Variants in GLG1 observed in about 807,000 individuals in gnomAD.
The protein encoded by GLG1 is Golgi apparatus protein 1.
In GLG1, 38 loss-of-function variants were observed where a neutral mutation model predicts 160.5. That is an observed-to-expected ratio of 0.24 (90% confidence interval 0.18 to 0.31). The LOEUF is 0.31. GLG1 is among the 10% of genes least tolerant of loss of function. GLG1 has a pLI of 1.00. For missense variants in GLG1, 1,373 were observed against 1,505.2 expected (o/e 0.91, Z 1.45); for synonymous variants, 644 against 543.4 (o/e 1.19, Z -2.57).
intron 1 of GLG1, chr16:74,563,356 G>A (rs1316591938): frequency 6.6e-6 from 1 of 152,218 alleles, no homozygotes; most frequent in African/African-American, 2.4e-5. Flanking sequence ...GTGCTTGGAA[G>A]CCTTCATCAT....
At chr16:74,505,391 T>G (rs1031852157) in intron 3 of GLG1, among the ~76,000 whole-genome samples, 1 of 152,242 alleles carries the variant, frequency 6.6e-6, no homozygotes, top group South Asian at 2.1e-4. Context: ...TGAAATTCTT[T>G]CAGTTTAACC....
chr16:74,457,826 C>G (rs1379390968), intron 24 of GLG1, 48 bp downstream of exon 24: 1 of 1,579,828 alleles, frequency 6.3e-7, no homozygotes, highest in African/African-American at 1.3e-5. Flanking sequence ...AGTCTTTGCT[C>G]TTCCCAAGAG....
At position 74,451,943 on chromosome 16, in the gene GLG1, G is replaced by GA. The variant is rs951469251; in HGVS notation, c.*1223dup. 94 of 823,546 alleles carry GA rather than the reference G, an allele frequency of 1.1e-4. No homozygotes were observed. Among genetic ancestry groups the GA allele is most frequent in the Non-Finnish European group, 1.4e-4 (68 of 486,730 alleles). The allele number at this position is 823,546 out of a possible 1,614,324, so 51.0% of individuals were successfully genotyped here. A position where few individuals can be genotyped will look rare whatever the true frequency, so the allele number is the denominator to read the frequency against. ...GGTACACGCAGCAAATGGACAGAAA[G>GA]AAAAAAAACAGAGCAAATCCTCCAT... On this transcript the variant is annotated 3_prime_UTR_variant, in exon 26 of 26. Coordinates refer to ENST00000422840, the MANE Select transcript of GLG1 (RefSeq NM_001145667.2).
intron 1 of GLG1, among the ~76,000 whole-genome samples, chr16:74,576,897 C>G (rs927487228): frequency 2.6e-5 from 4 of 151,070 alleles, no homozygotes; most frequent in Non-Finnish European, 4.4e-5. Flanking sequence ...AACCATGTAC[C>G]CTGCATATAA....
chr16:74,462,997 G>A (rs1478915915), intron 20 of GLG1: 9 of 411,810 alleles, frequency 2.2e-5, no homozygotes, highest in Non-Finnish European at 3.5e-5. Context: ...TAACTTACGA[G>A]GTCTTCCAAC....
chr16:74,602,502 G>A (rs546375116), intron 1 of GLG1, among the ~76,000 whole-genome samples: 2 of 152,330 alleles, frequency 1.3e-5, no homozygotes, highest in South Asian at 4.1e-4. Flanking sequence ...AAAAGGGCGG[G>A]GCTGGGCGCG....
rs1259323612 is a variant in GLG1, at chr16:74,503,523, T to TTAGA, written c.774+4_774+7dup. 8.3e-6 allele frequency: 13 copies of TTAGA among 1,573,286 alleles called. No individual in the cohort carries two copies. Among genetic ancestry groups the TTAGA allele is most frequent in the Non-Finnish European group, 1.1e-5 (13 of 1,142,886 alleles). On this transcript the variant is annotated splice_region_variant and intron_variant, in intron 4 of 25. Transcript: ENST00000422840. ...CCCCTTTGTTGAAGCTAACGTAGTATTAGATACCTTTTCTCCAAGCCGAAT... is the reference window on the plus strand; with the variant it reads ...CCCCTTTGTTGAAGCTAACGTAGTATTAGATAGATACCTTTTCTCCAAGCCGAAT...
At chr16:74,541,997 T>A (rs1334945448) in intron 1 of GLG1, among the ~76,000 whole-genome samples, 1 of 141,204 alleles carries the variant, frequency 7.1e-6, no homozygotes, top group Non-Finnish European at 1.5e-5. Flanking sequence ...CCAGTTCATA[T>A]TTTCCTATTT....
At chr16:74,483,157 G>C in intron 9 of GLG1, 33 bp from the exon 10 acceptor site, 1 of 1,280,890 alleles carries the variant, frequency 7.8e-7, no homozygotes, top group African/African-American at 1.5e-5. Context: ...TGTAACAAGA[G>C]AGAAGTGTTC....
At position 74,474,756 on chromosome 16, in the gene GLG1, C is replaced by T. The variant is rs1387533270; in HGVS notation, c.1966-124G>A. 4.3e-6 allele frequency: 3 copies of T among 702,794 alleles called. No homozygotes were observed. The South Asian group carries it at 4.7e-5, about 11-fold the overall frequency. 43.5% of individuals were successfully genotyped at this position (702,794 alleles called of 1,614,324 possible). A position where few individuals can be genotyped will look rare whatever the true frequency, so the allele number is the denominator to read the frequency against. Reference sequence around the variant, plus strand: ...CTCCTTTCTCTTCTTTTTAAAATTACCTCACTGAACAGGACACAAAAGCTT... The same window carrying T: ...CTCCTTTCTCTTCTTTTTAAAATTATCTCACTGAACAGGACACAAAAGCTT... On this transcript the variant is annotated intron_variant, in intron 12 of 25. Coordinates refer to ENST00000422840, the MANE Select transcript of GLG1 (RefSeq NM_001145667.2).
intron 2 of GLG1, among the ~76,000 whole-genome samples, chr16:74,523,439 T>G (rs974788603): frequency 6.6e-6 from 1 of 152,168 alleles, no homozygotes; most frequent in African/African-American, 2.4e-5. Context: ...AGGTACTCTG[T>G]GTTTCCACAT....
chr16:74,469,863 G>A, intron 16 of GLG1, 122 bp downstream of exon 16: 1 of 703,298 alleles, frequency 1.4e-6, no homozygotes, highest in South Asian at 1.6e-5. Flanking sequence ...AAGGAGAGAT[G>A]CGGGAGGCCT....
chr16:74,590,138 C>G (rs1235539050), intron 1 of GLG1, among the ~76,000 whole-genome samples: 1 of 151,864 alleles, frequency 6.6e-6, no homozygotes, highest in Non-Finnish European at 1.5e-5. Flanking sequence ...GTAGGGACTA[C>G]AGGCGCACGC....
chr16:74,575,253 GAAC>G (rs1214944822), intron 1 of GLG1, among the ~76,000 whole-genome samples: 2 of 151,692 alleles, frequency 1.3e-5, no homozygotes, highest in Non-Finnish European at 2.9e-5. Flanking sequence ...CTGAAAAAAA[GAAC>G]AAAAAAACAC....
At chr16:74,499,025 G>C (rs1025112737) in intron 4 of GLG1, among the ~76,000 whole-genome samples, 1 of 151,860 alleles carries the variant, frequency 6.6e-6, no homozygotes, top group Non-Finnish European at 1.5e-5. Flanking sequence ...GAAAGCTTTC[G>C]TGTTATCTCC....
chr16:74,546,309 T>C (rs920011075), intron 1 of GLG1, among the ~76,000 whole-genome samples: 86 of 151,194 alleles, frequency 5.7e-4, no homozygotes, highest in African/African-American at 1.6e-3. Flanking sequence ...TGTGGTGGCA[T>C]GTGCCTGTAG....
intron 11 of GLG1, among the ~76,000 whole-genome samples, chr16:74,477,977 AAAATAAATAAATAAAT>A (rs140504819): frequency 2.9e-5 from 4 of 140,148 alleles, no homozygotes; most frequent in Admixed American, 7.5e-5. Flanking sequence ...CCGTCTCAAA[AAAATAAATAAATAAAT>A]AAATAAATAA....
chr16:74,478,721 G>C (rs571129018), intron 11 of GLG1, among the ~76,000 whole-genome samples: 1 of 151,838 alleles, frequency 6.6e-6, no homozygotes, highest in South Asian at 2.1e-4. Context: ...AGACCAGCCT[G>C]ACCAATATGG....
rs145313003 is a variant in GLG1 at position 74,601,487 on chromosome 16, G to A, written c.438+5170C>T. On this transcript the variant is annotated intron_variant, in intron 1 of 25. Transcript: ENST00000422840. ...ACATCAGGAAGCAGAGAGAGAAAAT[G>A]CTTACAGTCATTTGTTAGTTAATGG... 1.1e-4 allele frequency among the ~76,000 whole-genome samples: 16 copies of A among 151,998 alleles called. No homozygotes were observed. In the East Asian group the frequency reaches 2.3e-3, roughly 22 times the overall value.
Sources: gnomAD v4.1 joint callset for allele counts (sites outside exome capture counted in the v4.1 genomes callset) on GRCh38, gnomAD v4.1.1 for gene constraint, MANE v1.5 for transcripts, NCBI Gene and HGNC (gene_info 2026-07-23, HGNC 2026-07-21) for gene names.